The following NRXN3 variants were observed in gnomAD, a reference collection of about 807,000 sequenced individuals.
NRXN3 encodes the protein neurexin 3.
Under a neutral mutation model 137.6 loss-of-function variants are expected in NRXN3, and 32 were observed. The observed-to-expected ratio is 0.23, with a 90% CI of 0.18 to 0.31. The LOEUF (loss-of-function observed/expected upper bound fraction) is 0.31. Among genes scored for constraint, NRXN3 ranks in the 10% least tolerant of loss-of-function variants. The pLI is 1.00. For synonymous variants in NRXN3, 798 were observed against 784.5 expected (o/e 1.02, Z -0.29); for missense variants, 1,574 against 2,062.5 (o/e 0.76, Z 4.59).
At chr14:79,395,588 C>A (rs2094994619) in intron 15 of NRXN3, among the ~76,000 whole-genome samples, 1 of 151,470 alleles carries the variant, frequency 6.6e-6, no homozygotes, top group African/African-American at 2.4e-5. Flanking sequence ...ATGGGCAGAT[C>A]ATGAGGTCAG....
chr14:78,551,844 A>AT (rs887212453), intron 4 of NRXN3, among the ~76,000 whole-genome samples: 18 of 151,738 alleles, frequency 1.2e-4, no homozygotes, highest in East Asian at 1.9e-4. Context: ...TTATCAAAGT[A>AT]TTTTTTTTAA....
At chr14:79,499,954 G>A (rs1463199850) in intron 16 of NRXN3, among the ~76,000 whole-genome samples, 1 of 84,488 alleles carries the variant, frequency 1.2e-5, no homozygotes, top group Non-Finnish European at 2.2e-5. Flanking sequence ...TTATCTTAGG[G>A]TCGTGTGTGT....
At chr14:79,839,987 G>GTATC (rs1232134390) in intron 20 of NRXN3, among the ~76,000 whole-genome samples, 1 of 148,280 alleles carries the variant, frequency 6.7e-6, no homozygotes, top group Non-Finnish European at 1.5e-5. Flanking sequence ...ATGTATGTAT[G>GTATC]TATGTATTTA....
intron 4 of NRXN3, among the ~76,000 whole-genome samples, chr14:78,519,145 A>T (rs1453491969): frequency 1.3e-5 from 2 of 152,170 alleles, no homozygotes; most frequent in African/African-American, 4.8e-5. Flanking sequence ...TTTAGTATGT[A>T]AAAACCTTAC....
intron 15 of NRXN3, among the ~76,000 whole-genome samples, chr14:79,334,309 C>T (rs2092061646): frequency 6.6e-6 from 1 of 152,072 alleles, no homozygotes; most frequent in Non-Finnish European, 1.5e-5. Flanking sequence ...CTAGGGCATG[C>T]TATTTTGGGT....
At chr14:79,089,265 C>CATATTATAAT (rs1301262396) in intron 15 of NRXN3, among the ~76,000 whole-genome samples, 15 of 152,168 alleles carry the variant, frequency 9.9e-5, no homozygotes, top group Admixed American at 2.0e-4. Flanking sequence ...TTATAATTTA[C>CATATTATAAT]ATACCAAATA....
intron 4 of NRXN3, among the ~76,000 whole-genome samples, chr14:78,472,985 A>C (rs1210147085): frequency 6.9e-6 from 1 of 145,408 alleles, no homozygotes; most frequent in African/African-American, 2.6e-5. Flanking sequence ...TGCTCCTTTC[A>C]TCCAAAGATC....
intron 10 of NRXN3, among the ~76,000 whole-genome samples, chr14:78,857,874 AG>A (rs1166247910): frequency 1.3e-5 from 2 of 152,172 alleles, no homozygotes; most frequent in African/African-American, 2.4e-5. Flanking sequence ...TGGTGGGTAG[AG>A]GAGCAAAGTA....
chr14:78,587,046 A>C (rs951500383), intron 4 of NRXN3, among the ~76,000 whole-genome samples: 2 of 152,154 alleles, frequency 1.3e-5, no homozygotes, highest in African/African-American at 4.8e-5. Context: ...AGTTAGATTT[A>C]CTGGGGCTTC....
At chr14:78,796,201 T>C (rs2098821258) in intron 8 of NRXN3, among the ~76,000 whole-genome samples, 1 of 152,214 alleles carries the variant, frequency 6.6e-6, no homozygotes, top group South Asian at 2.1e-4. Context: ...CGTGTCCAAT[T>C]GTCTCTTCCT....
rs1265405313 is a variant in NRXN3, at chr14:78,714,894, C to G, written c.1799C>G (p.Thr600Ser). 1 of 1,614,064 alleles carries G rather than the reference C, an allele frequency of 6.2e-7. No individual in the cohort carries two copies. The highest frequency in any genetic ancestry group is 1.3e-5 in the African/African-American group (1 of 74,936). ...AGLILPTELWTAMLNYGYVGC... is the reference protein window; with the variant it reads ...AGLILPTELWSAMLNYGYVGC... ...CTTATTCTCCCCACCGAGCTGTGGA[C>G]TGCCATGCTCAACTATGGCTACGTG... is the stretch of plus-strand genomic sequence containing the variant. The change falls in exon 8 of 21, where the codon ACT (threonine) becomes AGT (serine). Residue 600 changes from threonine (T) to serine (S), a missense_variant. Physicochemically the swap from Thr to Ser is moderately conservative, Grantham distance 58. This residue lies in a region of NRXN3 where 718 missense variants were observed against 887.6 expected (regional missense o/e 0.81). Transcript: ENST00000335750.
At chr14:79,127,290 A>G (rs903883190) in intron 15 of NRXN3, among the ~76,000 whole-genome samples, 1 of 152,114 alleles carries the variant, frequency 6.6e-6, no homozygotes, top group Admixed American at 6.5e-5. Context: ...GTTTTCTTCT[A>G]GGGTTTTTAT....
chr14:79,114,967 T>C (rs920257374), intron 15 of NRXN3, among the ~76,000 whole-genome samples: 3 of 152,196 alleles, frequency 2.0e-5, no homozygotes, highest in Admixed American at 2.0e-4. Flanking sequence ...CTCTTGGGTC[T>C]GGCCTGAATT....
chr14:78,212,876 A>G (rs1250952265), intron 1 of NRXN3, among the ~76,000 whole-genome samples: 1 of 152,152 alleles, frequency 6.6e-6, no homozygotes, highest in Non-Finnish European at 1.5e-5. Flanking sequence ...TAGAATCTCA[A>G]TACCAAAAAC....
rs1037359195 is a variant in NRXN3 at position 79,862,531 on chromosome 14, G to A, written c.*567G>A. On this transcript the variant is annotated 3_prime_UTR_variant, in exon 21 of 21. Coordinates refer to ENST00000335750, the MANE Select transcript of NRXN3 (RefSeq NM_001330195.2). ...ACCCTTATCTGGTTCTGACCAGTGT[G>A]CGTGTAACTTTATGATCTGAGGGGA... 6.6e-6 allele frequency: 1 copy of A among 151,864 alleles called. No homozygotes were observed. The highest frequency in any genetic ancestry group is 2.4e-5 in the African/African-American group (1 of 41,258). The allele number at this position is 151,864 out of a possible 1,614,324, so 9.4% of individuals were successfully genotyped here.
intron 15 of NRXN3, among the ~76,000 whole-genome samples, chr14:78,998,684 C>T (rs368852213): frequency 2.6e-5 from 4 of 151,432 alleles, no homozygotes; most frequent in East Asian, 1.9e-4. Flanking sequence ...CTGCAACATC[C>T]GCCTACCAGG....
intron 6 of NRXN3, among the ~76,000 whole-genome samples, chr14:78,684,497 G>T (rs372475291): frequency 1.3e-5 from 2 of 152,206 alleles, no homozygotes; most frequent in African/African-American, 4.8e-5. Flanking sequence ...GAGGAAAAGG[G>T]TTATGTGGTA....
intron 16 of NRXN3, among the ~76,000 whole-genome samples, chr14:79,500,499 T>C (rs954410246): frequency 1.3e-5 from 2 of 152,202 alleles, no homozygotes; most frequent in African/African-American, 4.8e-5. Context: ...TATTAACTAT[T>C]ATGCATCACT....
chr14:78,618,532 C>T (rs866775175), intron 4 of NRXN3, among the ~76,000 whole-genome samples: 17 of 152,240 alleles, frequency 1.1e-4, no homozygotes, highest in Middle Eastern at 3.4e-3. Context: ...GCGCAGTCAC[C>T]GTCCCTCTGG....
Sources: gnomAD v4.1 joint callset for allele counts (sites outside exome capture counted in the v4.1 genomes callset) on GRCh38, gnomAD v4.1.1 for gene constraint, gnomAD v4.1.1 regional missense constraint, MANE v1.5 for transcripts, NCBI Gene and HGNC (gene_info 2026-07-23, HGNC 2026-07-21) for gene names.